The following ZNF75D variants were observed in gnomAD, a reference collection of about 807,000 sequenced individuals.
ZNF75D encodes zinc finger protein 75.
ZNF75D carries 33 observed loss-of-function variants against 33.3 expected under a neutral mutation model. The ratio of observed to expected loss-of-function variants is 0.99; its 90% CI spans 0.75 to 1.32. The LOEUF is 1.32. Ranked by LOEUF, ZNF75D falls within the 40% of genes most tolerant of loss-of-function variation. The pLI is 0.00. For missense variants in ZNF75D, 338 were observed against 367.5 expected (o/e 0.92, Z 0.66); for synonymous variants, 113 against 130.6 (o/e 0.87, Z 0.92).
At chrX:135,285,503 A>C (rs2083939228), downstream of ZNF75D, among the ~76,000 whole-genome samples, 1 of 112,401 alleles carries the variant, frequency 8.9e-6, no homozygotes, top group African/African-American at 3.2e-5. Flanking sequence ...AAACTCATTA[A>C]TGAAGAATGC....
intron 6 of ZNF75D, among the ~76,000 whole-genome samples, chrX:135,288,774 A>C (rs2083993710): frequency 8.9e-6 from 1 of 112,097 alleles, no homozygotes; most frequent in Admixed American, 9.5e-5. Context: ...CACACCCTGT[A>C]CTCTACACAC....
chrX:135,317,671 G>A (rs1365406616), intron 1 of ZNF75D, among the ~76,000 whole-genome samples: 1 of 110,737 alleles, frequency 9.0e-6, no homozygotes, highest in Non-Finnish European at 1.9e-5. Context: ...GCAGCTGGGT[G>A]GGTAAGAACA....
chrX:135,287,079 C>T lies in ZNF75D; in HGVS notation c.*58G>A. On this transcript the variant is annotated 3_prime_UTR_variant, in exon 7 of 7. Transcript: ENST00000370766. ...ATCACAGATTCCTATCATTGGGTGC[C>T]TCATAATTTTGTATTCTTTCACCAC... 1.0e-6 allele frequency: 1 copy of T among 968,397 alleles called. No homozygotes were observed. Among genetic ancestry groups the T allele is most frequent in the South Asian group, 2.1e-5 (1 of 47,242 alleles). 79.8% of individuals were successfully genotyped at this position (968,397 alleles called of 1,213,427 possible). A position where few individuals can be genotyped will look rare whatever the true frequency, so the allele number is the denominator to read the frequency against.
chrX:135,272,134 C>T (rs1344845420), intron 1 of ZNF75D, among the ~76,000 whole-genome samples: 1 of 108,440 alleles, frequency 9.2e-6, no homozygotes, highest in East Asian at 2.9e-4. Flanking sequence ...CTCCTTTGCC[C>T]TCTTTCTCTT....
intron 1 of ZNF75D, among the ~76,000 whole-genome samples, chrX:135,257,975 C>A (rs1244904602): frequency 1.8e-5 from 2 of 108,855 alleles, no homozygotes; most frequent in Admixed American, 1.0e-4. Flanking sequence ...CCCCCACCAC[C>A]CAACAGGCCC....
At chrX:135,287,971 C>T (rs2083981908) in intron 6 of ZNF75D, 125 bp from the exon 7 acceptor site, 14 of 573,621 alleles carry the variant, frequency 2.4e-5, no homozygotes, top group Non-Finnish European at 3.8e-5. Context: ...CTGGTCCAGT[C>T]TGGACAAAAT....
chrX:135,304,879 T>C (rs2084264752), intron 1 of ZNF75D, among the ~76,000 whole-genome samples: 1 of 112,714 alleles, frequency 8.9e-6, no homozygotes, highest in Admixed American at 9.3e-5. Context: ...CGGAGCTATG[T>C]CTCACCTTTG....
chrX:135,265,511 A>G (rs782085268), intron 1 of ZNF75D, among the ~76,000 whole-genome samples: 4 of 112,161 alleles, frequency 3.6e-5, no homozygotes, highest in African/African-American at 1.3e-4. Flanking sequence ...CTGGAAGCAG[A>G]CTTTTCGATG....
At chrX:135,256,692 C>G (rs1484624595) in intron 1 of ZNF75D, among the ~76,000 whole-genome samples, 2 of 111,523 alleles carry the variant, frequency 1.8e-5, no homozygotes, top group African/African-American at 6.5e-5. Flanking sequence ...CATCCCTCCT[C>G]CAACCCCTGG....
chrX:135,288,671 A>C (rs1243040630), intron 6 of ZNF75D, among the ~76,000 whole-genome samples: 3 of 112,459 alleles, frequency 2.7e-5, no homozygotes, highest in African/African-American at 9.7e-5. Flanking sequence ...GTTTAACACA[A>C]GTCTTATTGT....
chrX:135,285,452 A>T (rs1246932824), downstream of ZNF75D, among the ~76,000 whole-genome samples: 2 of 112,565 alleles, frequency 1.8e-5, no homozygotes, highest in Non-Finnish European at 3.7e-5. Flanking sequence ...TACCATTCTG[A>T]CCATCATTAG....
intron 6 of ZNF75D, among the ~76,000 whole-genome samples, chrX:135,289,927 C>T (rs984640659): frequency 1.8e-5 from 2 of 110,950 alleles, no homozygotes; most frequent in Non-Finnish European, 3.8e-5. Flanking sequence ...ATTTTTGTTG[C>T]AAAAATATAT....
chrX:135,343,022 C>T lies in ZNF75D; in HGVS notation c.-1645G>A, dbSNP rs1556445667. ...AAACCAAAAGCAATAGCACACTCTT[C>T]ACTGCACTGGGGGGAAATCTGGAGG... On this transcript the variant is annotated 5_prime_UTR_variant, in exon 1 of 7. Coordinates refer to ENST00000370766, the MANE Select transcript of ZNF75D (RefSeq NM_007131.5). The T allele has an allele frequency of 8.9e-6, 1 of 111,819 alleles. No homozygotes were observed. The highest frequency in any genetic ancestry group is 2.8e-4 in the East Asian group (1 of 3,560). 9.2% of individuals were successfully genotyped at this position (111,819 alleles called of 1,213,427 possible).
chrX:135,316,768 T>C (rs1423196930), intron 1 of ZNF75D, among the ~76,000 whole-genome samples: 2 of 108,964 alleles, frequency 1.8e-5, no homozygotes, highest in Non-Finnish European at 3.8e-5. Flanking sequence ...TAGTCTATTG[T>C]TGGAGTTTTT....
chrX:135,316,728 A>G (rs1380472417), intron 1 of ZNF75D, among the ~76,000 whole-genome samples: 2 of 108,682 alleles, frequency 1.8e-5, no homozygotes, highest in Non-Finnish European at 3.8e-5. Context: ...ACCTTTCTTC[A>G]AGATCTTAGA....
chrX:135,279,389 C>A (rs924000441), intron 1 of ZNF75D, among the ~76,000 whole-genome samples: 6 of 111,136 alleles, frequency 5.4e-5, no homozygotes, highest in Non-Finnish European at 1.1e-4. Context: ...TCTTCTTTAT[C>A]AGTCTGGCTA....
intron 1 of ZNF75D, among the ~76,000 whole-genome samples, chrX:135,276,138 A>C (rs1296388281): frequency 8.9e-6 from 1 of 111,787 alleles, no homozygotes; most frequent in African/African-American, 3.3e-5. Context: ...ATTACAAGAC[A>C]CATCCAATAC....
At chrX:135,335,773 C>T (rs12689508) in intron 1 of ZNF75D, among the ~76,000 whole-genome samples, 28,001 of 110,695 alleles carry the variant, frequency 0.25, 2,830 homozygotes, top group South Asian at 0.43. Context: ...CTCAATGATC[C>T]ACCGCAAGTA....
downstream of ZNF75D, among the ~76,000 whole-genome samples, chrX:135,281,524 T>C (rs2083919792): frequency 9.0e-6 from 1 of 111,368 alleles, no homozygotes; most frequent in African/African-American, 3.3e-5. Context: ...AGTTTTGTTC[T>C]CTTGCTGGCG....
Sources: gnomAD v4.1 joint callset for allele counts (sites outside exome capture counted in the v4.1 genomes callset) on GRCh38, gnomAD v4.1.1 for gene constraint, MANE v1.5 for transcripts, NCBI Gene and HGNC (gene_info 2026-07-23, HGNC 2026-07-21) for gene names.